The following CNTN4 variants were observed in gnomAD, a reference collection of about 807,000 sequenced individuals.
CNTN4 encodes the protein contactin-4.
A neutral mutation model predicts 122.5 loss-of-function variants in CNTN4; 77 were observed. That is an observed-to-expected ratio of 0.63 (90% CI 0.52 to 0.76). The LOEUF (loss-of-function observed/expected upper bound fraction) is 0.76, where lower values mean the gene tolerates loss of function less well. Ranked by LOEUF, CNTN4 falls within the 30% of genes least tolerant of loss-of-function variation. The probability of loss-of-function intolerance (pLI) is 0.00; values close to 1 mark genes in which losing one functional copy is unlikely to be tolerated. For missense variants in CNTN4, 1,256 were observed against 1,259.1 expected (o/e 1.00, Z 0.04); for synonymous variants, 512 against 447.0 (o/e 1.15, Z -1.83).
intron 13 of CNTN4, among the ~76,000 whole-genome samples, chr3:2,935,332 T>G (rs12054418): frequency 2.0e-5 from 3 of 152,018 alleles, no homozygotes; most frequent in African/African-American, 7.3e-5. Flanking sequence ...AAAGGTAACA[T>G]TTGATTTTCA....
intron 3 of CNTN4, among the ~76,000 whole-genome samples, chr3:2,444,175 A>G (rs1028359920): frequency 4.0e-5 from 6 of 151,650 alleles, no homozygotes; most frequent in African/African-American, 1.5e-4. Context: ...ATAAATGGAT[A>G]AAAATCTCTG....
At chr3:2,968,679 A>T (rs1692572802) in intron 13 of CNTN4, among the ~76,000 whole-genome samples, 1 of 152,178 alleles carries the variant, frequency 6.6e-6, no homozygotes, top group African/African-American at 2.4e-5. Flanking sequence ...AGCCTCTCTG[A>T]GTCATTACTG....
At chr3:2,704,733 T>G (rs1475769063) in intron 4 of CNTN4, among the ~76,000 whole-genome samples, 2 of 152,202 alleles carry the variant, frequency 1.3e-5, no homozygotes, top group East Asian at 3.8e-4. Context: ...GTTCACATTT[T>G]TATAAGACAG....
chr3:2,830,207 A>T (rs1385587799), intron 7 of CNTN4, among the ~76,000 whole-genome samples: 1 of 152,174 alleles, frequency 6.6e-6, no homozygotes, highest in Non-Finnish European at 1.5e-5. Context: ...GTTTGTGTGT[A>T]CTTTAATGAT....
intron 2 of CNTN4, among the ~76,000 whole-genome samples, chr3:2,271,600 A>G (rs946646045): frequency 9.9e-5 from 15 of 152,168 alleles, no homozygotes; most frequent in African/African-American, 3.6e-4. Flanking sequence ...TAATAGGGAA[A>G]GTATTGGTTA....
chr3:3,036,040 A>G (rs1359786857), intron 17 of CNTN4, among the ~76,000 whole-genome samples: 1 of 152,184 alleles, frequency 6.6e-6, no homozygotes, highest in African/African-American at 2.4e-5. Context: ...CTTTGCATGT[A>G]AAAGAATTCT....
chr3:2,876,440 T>TG (rs34898114), intron 8 of CNTN4, among the ~76,000 whole-genome samples: 66,055 of 151,960 alleles, frequency 0.43, 14,960 homozygotes, highest in East Asian at 0.77. Context: ...AAAGTCAATG[T>TG]GGAACTTTTC....
intron 12 of CNTN4, among the ~76,000 whole-genome samples, chr3:2,923,699 C>T (rs2094448773): frequency 6.6e-6 from 1 of 152,182 alleles, no homozygotes; most frequent in African/African-American, 2.4e-5. Flanking sequence ...CATCAAGCTA[C>T]CTTCTCATGC....
intron 8 of CNTN4, among the ~76,000 whole-genome samples, chr3:2,882,166 C>G (rs1034002588): frequency 2.6e-5 from 4 of 152,164 alleles, no homozygotes; most frequent in Admixed American, 1.3e-4. Flanking sequence ...AGTTGGAGAC[C>G]AGCCTGGCCA....
At chr3:2,243,871 A>G (rs1208739488) in intron 2 of CNTN4, among the ~76,000 whole-genome samples, 3 of 152,118 alleles carry the variant, frequency 2.0e-5, no homozygotes, top group Admixed American at 2.0e-4. Flanking sequence ...CTTCTGCAGT[A>G]TAGGCTGGTT....
chr3:3,011,695 T>C (rs1697245898), intron 14 of CNTN4, among the ~76,000 whole-genome samples: 1 of 152,224 alleles, frequency 6.6e-6, no homozygotes, highest in Non-Finnish European at 1.5e-5. Flanking sequence ...TTCTTTAGCT[T>C]CCTTGTAAAG....
chr3:2,674,546 C>T (rs910645618), intron 4 of CNTN4, among the ~76,000 whole-genome samples: 2 of 152,182 alleles, frequency 1.3e-5, no homozygotes, highest in African/African-American at 4.8e-5. Context: ...CACTTGAGGT[C>T]AGGAGTTCGA....
chr3:2,250,483 C>T (rs2040333497), intron 2 of CNTN4, among the ~76,000 whole-genome samples: 1 of 151,806 alleles, frequency 6.6e-6, no homozygotes, highest in African/African-American at 2.4e-5. Flanking sequence ...ATTTCTATAG[C>T]ATTGTAGGAT....
At chr3:2,407,528 G>A (rs2047082212) in intron 3 of CNTN4, among the ~76,000 whole-genome samples, 1 of 152,108 alleles carries the variant, frequency 6.6e-6, no homozygotes, top group African/African-American at 2.4e-5. Flanking sequence ...ATAAAATAAA[G>A]GGAACAAATA....
chr3:2,630,561 A>G (rs912619151), intron 4 of CNTN4, among the ~76,000 whole-genome samples: 3 of 152,210 alleles, frequency 2.0e-5, no homozygotes, highest in Admixed American at 1.3e-4. Flanking sequence ...CAAGCCCAAT[A>G]CATTCCCATT....
chr3:2,517,272 A>G (rs971665263), intron 3 of CNTN4, among the ~76,000 whole-genome samples: 3 of 152,160 alleles, frequency 2.0e-5, no homozygotes, highest in Non-Finnish European at 2.9e-5. Context: ...TTTCTGGAGT[A>G]GTTAATGGGG....
chr3:2,282,710 C>A (rs1337926078), intron 2 of CNTN4, among the ~76,000 whole-genome samples: 1 of 152,122 alleles, frequency 6.6e-6, no homozygotes, highest in Non-Finnish European at 1.5e-5. Context: ...TTCATAGCAG[C>A]ATTATTTGTA....
At position 2,420,094 on chromosome 3, in the gene CNTN4, G is replaced by A. The variant is rs569957588; in HGVS notation, c.-89+80861G>A. Among the ~76,000 whole-genome samples, 6 of 152,258 alleles carry A rather than the reference G, an allele frequency of 3.9e-5. No homozygotes were observed. In the South Asian group the frequency reaches 1.2e-3, roughly 32 times the overall value. On this transcript the variant is annotated intron_variant, in intron 3 of 24. Coordinates refer to ENST00000418658, the MANE Select transcript of CNTN4 (RefSeq NM_175607.3). Reference sequence around the variant, plus strand: ...GTGCAATAGTACAAGCAAGCATTGTGACTCCCTGCAGCTGGTGCTGTCAGT... The same window carrying A: ...GTGCAATAGTACAAGCAAGCATTGTAACTCCCTGCAGCTGGTGCTGTCAGT...
intron 7 of CNTN4, among the ~76,000 whole-genome samples, chr3:2,833,995 A>C (rs538216626): frequency 6.6e-6 from 1 of 152,014 alleles, no homozygotes; most frequent in East Asian, 1.9e-4. Flanking sequence ...AAATACAAAA[A>C]TTTAGCTGGG....
Sources: gnomAD v4.1 joint callset for allele counts (sites outside exome capture counted in the v4.1 genomes callset) on GRCh38, gnomAD v4.1.1 for gene constraint, MANE v1.5 for transcripts, NCBI Gene and HGNC (gene_info 2026-07-23, HGNC 2026-07-21) for gene names.